Variants in ZNF839 observed in about 807,000 individuals in gnomAD.
ZNF839 encodes zinc finger protein 839, also known as renal carcinoma antigen NY-REN-50.
Under a neutral mutation model 56.4 loss-of-function variants are expected in ZNF839, and 38 were observed. The ratio of observed to expected loss-of-function variants is 0.67; its 90% CI spans 0.52 to 0.88. The LOEUF is 0.88. ZNF839 is among the 40% of genes least tolerant of loss of function. ZNF839 has a pLI of 0.00. For synonymous variants in ZNF839, 486 were observed against 493.5 expected (o/e 0.98, Z 0.20); for missense variants, 1,091 against 1,177.6 (o/e 0.93, Z 1.08).
chr14:102,334,359 A>C (rs1348453870), intron 3 of ZNF839, among the ~76,000 whole-genome samples, 195 bp from the exon 4 acceptor site: 3 of 152,204 alleles, frequency 2.0e-5, no homozygotes, highest in Non-Finnish European at 4.4e-5. Flanking sequence ...GTCATGGGGG[A>C]CCCAGAATGG....
chr14:102,318,534 G>A (rs950910131), upstream of ZNF839, among the ~76,000 whole-genome samples: 6 of 152,046 alleles, frequency 3.9e-5, no homozygotes, highest in African/African-American at 1.4e-4. Flanking sequence ...TCAAGAGGCT[G>A]AGGCAGGAGA....
Position 102,338,949 on chromosome 14 carries a change from G to C in ZNF839, c.1793G>C (p.Arg598Pro). Residue 598 changes from arginine (R) to proline (P), a missense_variant, in exon 6 of 8, where the codon CGT becomes CCT. Physicochemically the swap from Arg to Pro is moderately radical, Grantham distance 103 (BLOSUM62 -2). Around this residue, in one of 3 missense-constraint regions of ZNF839, gnomAD observed 431 missense variants for 468.0 expected, o/e 0.92. Transcript: ENST00000442396. ...LEGASSEKRE[R>P]EAAEEGLASV... ...GGAGCTAGCAGCGAGAAGAGGGAAC[G>C]TGAGGTGGGCATGGCTGAAGTGGGT... 1 of 1,614,026 alleles carries C rather than the reference G, an allele frequency of 6.2e-7. No individual in the cohort carries two copies. The highest frequency in any genetic ancestry group is 8.5e-7 in the Non-Finnish European group (1 of 1,179,900).
Position 102,342,260 on chromosome 14 carries a change from A to G in ZNF839, c.*81A>G. On this transcript the variant is annotated 3_prime_UTR_variant, in exon 8 of 8. Coordinates refer to ENST00000442396, the MANE Select transcript of ZNF839 (RefSeq NM_018335.6). ...ACAGTGAAGTGGAGTCAGATCCTAGATTCGTCTGATTTTATCCAGAGAAGG... is the reference window on the plus strand; with the variant it reads ...ACAGTGAAGTGGAGTCAGATCCTAGGTTCGTCTGATTTTATCCAGAGAAGG... The G allele has an allele frequency of 6.6e-7, 1 of 1,504,912 alleles. No homozygotes were observed. The highest frequency in any genetic ancestry group is 8.9e-7 in the Non-Finnish European group (1 of 1,124,542). 93.2% of individuals were successfully genotyped at this position (1,504,912 alleles called of 1,614,324 possible).
upstream of ZNF839, among the ~76,000 whole-genome samples, chr14:102,318,134 C>T (rs1428782339): frequency 6.6e-6 from 1 of 152,186 alleles, no homozygotes; most frequent in Non-Finnish European, 1.5e-5. Context: ...GTTAGGAGAG[C>T]CTGGGGCAGC....
chr14:102,328,941 G>A (rs923143097), intron 2 of ZNF839, among the ~76,000 whole-genome samples: 5 of 151,116 alleles, frequency 3.3e-5, no homozygotes, highest in Non-Finnish European at 7.4e-5. Flanking sequence ...GAACACAGAT[G>A]TTCAATTACA....
intron 1 of ZNF839, among the ~76,000 whole-genome samples, 167 bp downstream of exon 1, chr14:102,320,220 C>A (rs556408291): frequency 6.6e-6 from 1 of 152,302 alleles, no homozygotes; most frequent in African/African-American, 2.4e-5. Context: ...CTGTCACCAC[C>A]CTGGCATTTT....
intron 3 of ZNF839, among the ~76,000 whole-genome samples, 184 bp from the exon 4 acceptor site, chr14:102,334,370 A>T (rs985720548): frequency 1.3e-5 from 2 of 152,222 alleles, no homozygotes; most frequent in Non-Finnish European, 2.9e-5. Flanking sequence ...CCCAGAATGG[A>T]TCATAGTACT....
intron 3 of ZNF839, among the ~76,000 whole-genome samples, chr14:102,334,319 G>T (rs1481266139): frequency 6.6e-6 from 1 of 152,260 alleles, no homozygotes; most frequent in Non-Finnish European, 1.5e-5. Flanking sequence ...CCTTATTCCA[G>T]GGCCTTGCCC....
intron 2 of ZNF839, among the ~76,000 whole-genome samples, chr14:102,328,378 ATATATATATATATATATATAT>A (rs2073567828): frequency 2.2e-5 from 1 of 45,212 alleles, no homozygotes; most frequent in Non-Finnish European, 3.7e-5. Context: ...AAAAAAAAAT[ATATATATATATATATATATAT>A]ATATATATAT....
At chr14:102,325,881 A>G in intron 1 of ZNF839, 104 bp from the exon 2 acceptor site, 2 of 1,330,816 alleles carry the variant, frequency 1.5e-6, no homozygotes, top group Non-Finnish European at 2.1e-6. Context: ...TGTAAGATGT[A>G]ATTTAGAAAA....
In ZNF839 at chr14:102,341,697, G is replaced by C. The variant is rs1246507406; in HGVS notation, c.2302G>C (p.Glu768Gln). Residue 768 changes from glutamate to glutamine, a missense_variant, in exon 8 of 8, where the codon GAG becomes CAG. Physicochemically the swap from Glu to Gln is conservative, Grantham distance 29. This residue lies in a region of ZNF839 where 431 missense variants were observed against 468.0 expected (regional missense o/e 0.92). Transcript: ENST00000442396. ...SLPPGGPGHA[E>Q]AGHLGKVCDF... ...GCCGCCTGGGGGGCCTGGACATGCA[G>C]AGGCAGGACACCTCGGCAAGGTTTG... 1.2e-6 allele frequency: 2 copies of C among 1,614,004 alleles called. No individual in the cohort carries two copies. The highest frequency in any genetic ancestry group is 1.7e-6 in the Non-Finnish European group (2 of 1,179,896).
chr14:102,335,395 G>A (rs984309562), intron 4 of ZNF839: 7 of 305,972 alleles, frequency 2.3e-5, no homozygotes, highest in African/African-American at 6.6e-5. Flanking sequence ...CAGTCCAGCC[G>A]GGGCTCAGGG....
upstream of ZNF839, among the ~76,000 whole-genome samples, chr14:102,318,430 C>T (rs1033293408): frequency 9.2e-5 from 14 of 152,216 alleles, 1 homozygote; most frequent in African/African-American, 3.4e-4. Context: ...GTCAGGGTTT[C>T]AAGACCAGCC....
At position 102,331,679 on chromosome 14, in the gene ZNF839, C is replaced by T. The variant is rs1454948365; in HGVS notation, c.1249C>T (p.Leu417Phe). The change falls in exon 3 of 8, where the codon CTT becomes TTT. Residue 417 changes from leucine (L) to phenylalanine (F), a missense_variant. Transcript: ENST00000442396. ...GCCATCTGAACCAGAAAATGGAGCTCTTTTGCGATCAGAGAGATACCAAGG... is the reference window on the plus strand; with the variant it reads ...GCCATCTGAACCAGAAAATGGAGCTTTTTTGCGATCAGAGAGATACCAAGG... ...TLPSEPENGA[L>F]LRSERYQGPR... The T allele has an allele frequency of 1.9e-6, 3 of 1,612,444 alleles. No individual in the cohort carries two copies. The highest frequency in any genetic ancestry group is 2.5e-6 in the Non-Finnish European group (3 of 1,179,260).
intron 2 of ZNF839, 144 bp downstream of exon 2, chr14:102,327,031 C>G (rs2073452331): frequency 2.9e-6 from 3 of 1,041,432 alleles, no homozygotes; most frequent in Admixed American, 6.0e-5. Flanking sequence ...GTGCTGGCAT[C>G]TGTTTAGCTT....
chr14:102,335,784 C>T lies in ZNF839; in HGVS notation c.1605C>T (p.Tyr535=). ...HKMVKKMCQD[Y]LSSSGLCSQE... The stretch of plus-strand genomic sequence containing the variant: ...TGGTTAAGAAAATGTGCCAAGATTA[C>T]CTCAGTAGTTCTGGTCTGTGTTCCC... Residue 535 remains tyrosine, a synonymous_variant, in exon 5 of 8, where the codon TAC becomes TAT. Transcript: ENST00000442396. 1 of 1,607,774 alleles carries T rather than the reference C, an allele frequency of 6.2e-7. No individual in the cohort carries two copies. The highest frequency in any genetic ancestry group is 8.5e-7 in the Non-Finnish European group (1 of 1,179,830).
chr14:102,319,590 G>A (rs1020534116), upstream of ZNF839: 4 of 889,736 alleles, frequency 4.5e-6, no homozygotes, highest in Non-Finnish European at 5.9e-6. The surrounding 1 kb of genome is among the most constrained non-coding windows in gnomAD (Gnocchi z 4.5). Flanking sequence ...TCAGCCCTAA[G>A]AGCCGCGGCG....
chr14:102,330,602 T>C (rs1373924344), intron 2 of ZNF839, among the ~76,000 whole-genome samples: 1 of 151,228 alleles, frequency 6.6e-6, no homozygotes, highest in Non-Finnish European at 1.5e-5. Flanking sequence ...TGGTGCGATT[T>C]CAGCTCACTG....
upstream of ZNF839, chr14:102,319,520 T>A: frequency 2.6e-6 from 1 of 377,704 alleles, no homozygotes; most frequent in South Asian, 1.4e-4. The surrounding 1 kb of genome is among the most constrained non-coding windows in gnomAD (Gnocchi z 4.5). Context: ...CCAGAGAAGG[T>A]GAGTCTTAAA....
Sources: allele counts gnomAD v4.1 joint callset (sites outside exome capture counted in the v4.1 genomes callset), GRCh38; gene constraint gnomAD v4.1.1; regional missense constraint gnomAD v4.1.1; non-coding constraint Gnocchi (gnomAD v3.1); transcripts MANE v1.5; gene names NCBI Gene and HGNC (gene_info 2026-07-23, HGNC 2026-07-21).